The following ETV6 variants were observed in gnomAD, a reference collection of about 807,000 sequenced individuals.
ETV6 encodes the protein transcription factor ETV6.
Under a neutral mutation model 51.1 loss-of-function variants are expected in ETV6, and 16 were observed. That is an observed-to-expected ratio of 0.31 (90% CI 0.21 to 0.48). ETV6 has a LOEUF of 0.48. Ranked by LOEUF, ETV6 falls within the 20% of genes least tolerant of loss-of-function variation. The pLI is 0.99. For missense variants in ETV6, 458 were observed against 594.8 expected (o/e 0.77, Z 2.39); for synonymous variants, 240 against 224.1 (o/e 1.07, Z -0.64).
chr12:11,797,661 G>A (rs1407651020), intron 2 of ETV6, among the ~76,000 whole-genome samples: 1 of 152,172 alleles, frequency 6.6e-6, no homozygotes, highest in African/African-American at 2.4e-5. Flanking sequence ...TCTTGATAAA[G>A]GGTAGGCCTG....
In ETV6 at chr12:11,721,356, C is replaced by T. The variant is rs192634388; in HGVS notation, c.34-31094C>T. 2.6e-5 allele frequency among the ~76,000 whole-genome samples: 4 copies of T among 152,256 alleles called. No homozygotes were observed. The East Asian group carries it at 7.7e-4, about 29-fold the overall frequency. ...GATTTGATTTTGTTTTAATGTGGTA[C>T]ATATACACCATGGAATACTTTGCAG... On this transcript the variant is annotated intron_variant, in intron 1 of 7. Transcript: ENST00000396373.
At chr12:11,723,235 G>A (rs1211334041) in intron 1 of ETV6, among the ~76,000 whole-genome samples, 1 of 143,444 alleles carries the variant, frequency 7.0e-6, no homozygotes, top group Non-Finnish European at 1.5e-5. Context: ...TGGCAAGTGT[G>A]CATTGTAGGT....
At chr12:11,812,154 A>G (rs929361573) in intron 2 of ETV6, among the ~76,000 whole-genome samples, 3 of 152,160 alleles carry the variant, frequency 2.0e-5, no homozygotes, top group Admixed American at 2.0e-4. Context: ...AATGCTTTTT[A>G]TTATGTTTCT....
chr12:11,724,199 C>T (rs1865446577), intron 1 of ETV6, among the ~76,000 whole-genome samples: 1 of 152,224 alleles, frequency 6.6e-6, no homozygotes, highest in Non-Finnish European at 1.5e-5. Flanking sequence ...CAGGTTTCCC[C>T]TTGACAGGTC....
chr12:11,706,187 TAAC>T (rs1357046872), intron 1 of ETV6, among the ~76,000 whole-genome samples: 1 of 152,246 alleles, frequency 6.6e-6, no homozygotes, highest in African/African-American at 2.4e-5. Flanking sequence ...GGAATGAAAA[TAAC>T]AACGCCTTTC....
chr12:11,702,454 A>G (rs763413415), intron 1 of ETV6, among the ~76,000 whole-genome samples: 29 of 152,152 alleles, frequency 1.9e-4, no homozygotes, highest in Non-Finnish European at 4.1e-4. Context: ...GGCACTTGGA[A>G]GGATAGTTTT....
chr12:11,693,149 C>G (rs975245339), intron 1 of ETV6, among the ~76,000 whole-genome samples: 1 of 152,084 alleles, frequency 6.6e-6, no homozygotes, highest in South Asian at 2.1e-4. Flanking sequence ...AGAAGACTTA[C>G]GGTGGTGGGA....
At chr12:11,798,196 G>A (rs1008028435) in intron 2 of ETV6, among the ~76,000 whole-genome samples, 1 of 152,216 alleles carries the variant, frequency 6.6e-6, no homozygotes, top group East Asian at 1.9e-4. Context: ...GGTGATTGGA[G>A]TGTGTTTCAT....
intron 2 of ETV6, among the ~76,000 whole-genome samples, chr12:11,762,036 G>A (rs534583487): frequency 1.1e-4 from 16 of 152,314 alleles, no homozygotes; most frequent in African/African-American, 3.8e-4. Flanking sequence ...AAGCCCTCCT[G>A]CAAGGAAATA....
chr12:11,659,653 CTA>C (rs1228966518), intron 1 of ETV6, among the ~76,000 whole-genome samples: 1 of 152,202 alleles, frequency 6.6e-6, no homozygotes, highest in African/African-American at 2.4e-5. Flanking sequence ...CATGCAGACT[CTA>C]AAGCATTTCC....
At chr12:11,745,549 T>G (rs1475135801) in intron 1 of ETV6, among the ~76,000 whole-genome samples, 1 of 152,328 alleles carries the variant, frequency 6.6e-6, no homozygotes, top group East Asian at 1.9e-4. Context: ...AATGCCTTCA[T>G]CCATTCCCCT....
intron 1 of ETV6, among the ~76,000 whole-genome samples, chr12:11,656,786 G>C (rs1326578880): frequency 6.6e-6 from 1 of 151,482 alleles, no homozygotes; most frequent in Non-Finnish European, 1.5e-5. Flanking sequence ...TTCTTTGCCT[G>C]CTTTTTACTT....
intron 3 of ETV6, 99 bp downstream of exon 3, chr12:11,839,403 T>C: frequency 1.6e-6 from 2 of 1,213,044 alleles, no homozygotes; most frequent in Admixed American, 2.2e-5. Context: ...ATCCCAACAG[T>C]GAGTCATCAC....
At chr12:11,729,949 T>G (rs865806956) in intron 1 of ETV6, among the ~76,000 whole-genome samples, 13 of 152,184 alleles carry the variant, frequency 8.5e-5, no homozygotes, top group African/African-American at 2.9e-4. Flanking sequence ...GCATTTAATT[T>G]CTCTCTACCA....
At chr12:11,883,844 C>T (rs1329894125) in intron 5 of ETV6, among the ~76,000 whole-genome samples, 1 of 152,130 alleles carries the variant, frequency 6.6e-6, no homozygotes, top group Non-Finnish European at 1.5e-5. Flanking sequence ...CTTTTTGAAA[C>T]CATGCTAGCC....
chr12:11,880,812 T>C (rs1170807765), intron 5 of ETV6, among the ~76,000 whole-genome samples: 2 of 151,366 alleles, frequency 1.3e-5, no homozygotes. Flanking sequence ...GAAAATCACA[T>C]TCCCAATCCA....
At chr12:11,678,313 G>A (rs947471745) in intron 1 of ETV6, among the ~76,000 whole-genome samples, 1 of 152,178 alleles carries the variant, frequency 6.6e-6, no homozygotes, top group Non-Finnish European at 1.5e-5. Context: ...CGAGGTAAAG[G>A]AACCTCTTGA....
rs539836531 is a variant in ETV6, at chr12:11,728,623, T to G, written c.34-23827T>G. Among the ~76,000 whole-genome samples the G allele has an allele frequency of 6.6e-5, 10 of 152,272 alleles. No homozygotes were observed. The South Asian group carries it at 1.9e-3, about 28-fold the overall frequency. On this transcript the variant is annotated intron_variant, in intron 1 of 7. Coordinates refer to ENST00000396373, the MANE Select transcript of ETV6 (RefSeq NM_001987.5). ...CCCTGGTGCCAAAAAGGTTGAGGAC[T>G]GCTTGTCTATGCCTTAAAAAAAAAA...
At chr12:11,763,787 C>T (rs1945125941) in intron 2 of ETV6, among the ~76,000 whole-genome samples, 1 of 152,226 alleles carries the variant, frequency 6.6e-6, no homozygotes, top group African/African-American at 2.4e-5. Context: ...TGTGCAGACG[C>T]TGTGTAGCTC....
Sources: gnomAD v4.1 joint callset for allele counts (sites outside exome capture counted in the v4.1 genomes callset) on GRCh38, gnomAD v4.1.1 for gene constraint, MANE v1.5 for transcripts, NCBI Gene and HGNC (gene_info 2026-07-23, HGNC 2026-07-21) for gene names.